AKAP12: variants seen among roughly 807,000 people sequenced by gnomAD.
AKAP12 encodes A-kinase anchoring protein 12.
AKAP12 carries 32 observed loss-of-function variants against 79.9 expected under a neutral mutation model. That is an observed-to-expected ratio of 0.40 (90% confidence interval 0.30 to 0.54). AKAP12 has a LOEUF of 0.54. AKAP12 is among the 20% of genes least tolerant of loss of function. The probability of loss-of-function intolerance (pLI) is 0.48; values close to 1 mark genes in which losing one functional copy is unlikely to be tolerated. For missense variants in AKAP12, 2,074 were observed against 2,177.0 expected (o/e 0.95, Z 0.94); for synonymous variants, 808 against 857.0 (o/e 0.94, Z 1.00).
chr6:151,253,316 A>G (rs1797223055), intron 2 of AKAP12, among the ~76,000 whole-genome samples: 1 of 152,222 alleles, frequency 6.6e-6, no homozygotes, highest in Non-Finnish European at 1.5e-5. Context: ...CTCAAAGAAT[A>G]TGTCTTTAGA....
In AKAP12 at chr6:151,250,983, T is replaced by G. The variant is rs543369918; in HGVS notation, c.162+10259T>G. Among the ~76,000 whole-genome samples, 140 of 152,306 alleles carry G rather than the reference T, an allele frequency of 9.2e-4. 1 individual carries two copies. Among genetic ancestry groups the G allele is most frequent in the Non-Finnish European group, 6.9e-4 (47 of 68,028 alleles). On this transcript the variant is annotated intron_variant, in intron 2 of 4. Coordinates refer to ENST00000402676, the MANE Select transcript of AKAP12 (RefSeq NM_005100.4). Reference sequence around the variant, plus strand: ...AGATAAAGAAATAAAAACATTACCCTTGAACACCTCATAATTGAGATGAGG... The same window carrying G: ...AGATAAAGAAATAAAAACATTACCCGTGAACACCTCATAATTGAGATGAGG...
rs1778481806 is a variant in AKAP12 at position 151,357,891 on chromosome 6, T to G, written c.*2177T>G. 6.6e-6 allele frequency: 1 copy of G among 152,076 alleles called. No homozygotes were observed. The highest frequency in any genetic ancestry group is 6.6e-5 in the Admixed American group (1 of 15,258). The allele number at this position is 152,076 out of a possible 1,614,324, so 9.4% of individuals were successfully genotyped here. ...GAACAGATTAAAGATTTGTGTAGTT[T>G]GTGGGAAATTGACGTTTTTGTTTAA... On this transcript the variant is annotated 3_prime_UTR_variant, in exon 5 of 5. Coordinates refer to ENST00000402676, the MANE Select transcript of AKAP12 (RefSeq NM_005100.4).
At chr6:151,314,278 T>C (rs999226317) in intron 3 of AKAP12, among the ~76,000 whole-genome samples, 5 of 152,148 alleles carry the variant, frequency 3.3e-5, no homozygotes, top group Admixed American at 1.3e-4. Context: ...TCCACCCACT[T>C]CAGCCTCCCA....
In AKAP12 at chr6:151,240,546, A is replaced by G; in HGVS notation, c.-17A>G. Reference sequence around the variant, plus strand: ...GCGTAACCCGGCGGCTAGGCGCGGGAGAAGTGCGGAGGAGCCATGGGCGCC... The same window carrying G: ...GCGTAACCCGGCGGCTAGGCGCGGGGGAAGTGCGGAGGAGCCATGGGCGCC... On this transcript the variant is annotated 5_prime_UTR_variant, in exon 2 of 5. Coordinates refer to ENST00000402676, the MANE Select transcript of AKAP12 (RefSeq NM_005100.4). The G allele has an allele frequency of 7.0e-7, 1 of 1,429,250 alleles. No homozygotes were observed. The highest frequency in any genetic ancestry group is 9.1e-7 in the Non-Finnish European group (1 of 1,097,670). 88.5% of individuals were successfully genotyped at this position (1,429,250 alleles called of 1,614,324 possible). A position where few individuals can be genotyped will look rare whatever the true frequency, so the allele number is the denominator to read the frequency against.
At chr6:151,305,345 A>G (rs1205646106) in intron 2 of AKAP12, among the ~76,000 whole-genome samples, 1 of 152,158 alleles carries the variant, frequency 6.6e-6, no homozygotes, top group African/African-American at 2.4e-5. Flanking sequence ...GCATCTAATC[A>G]CAAGGAAACA....
intron 4 of AKAP12, among the ~76,000 whole-genome samples, chr6:151,354,143 T>G (rs1163492688): frequency 6.7e-6 from 1 of 150,082 alleles, no homozygotes; most frequent in African/African-American, 2.5e-5. Flanking sequence ...GCCTCACGAC[T>G]CCGTCTCAAA....
intron 2 of AKAP12, among the ~76,000 whole-genome samples, chr6:151,288,132 G>A (rs1776542791): frequency 6.6e-6 from 1 of 151,796 alleles, no homozygotes; most frequent in Non-Finnish European, 1.5e-5. Flanking sequence ...GTTGATGGGT[G>A]CAGCAAATCA....
intron 2 of AKAP12, among the ~76,000 whole-genome samples, chr6:151,245,768 T>G (rs1326232520): frequency 1.3e-5 from 2 of 152,118 alleles, no homozygotes; most frequent in African/African-American, 4.8e-5. Flanking sequence ...AAAAAATTAA[T>G]GATTGAGAAC....
chr6:151,314,425 A>G (rs1193484289), intron 3 of AKAP12, among the ~76,000 whole-genome samples: 6 of 152,230 alleles, frequency 3.9e-5, no homozygotes, highest in Non-Finnish European at 7.3e-5. Context: ...ATCTTGAAAC[A>G]TAATCCTCTT....
chr6:151,271,706 C>T (rs1383003340), intron 2 of AKAP12, among the ~76,000 whole-genome samples: 1 of 152,138 alleles, frequency 6.6e-6, no homozygotes, highest in Non-Finnish European at 1.5e-5. Flanking sequence ...GTCGCCCAGG[C>T]TGGAGTGCAG....
intron 2 of AKAP12, among the ~76,000 whole-genome samples, chr6:151,247,843 A>G (rs1797106329): frequency 6.6e-6 from 1 of 152,226 alleles, no homozygotes; most frequent in Non-Finnish European, 1.5e-5. Flanking sequence ...TTCAAAGCAC[A>G]GGAAACCATC....
chr6:151,285,394 G>T (rs1562721364), intron 2 of AKAP12, among the ~76,000 whole-genome samples: 1 of 148,942 alleles, frequency 6.7e-6, no homozygotes, highest in African/African-American at 2.5e-5. Flanking sequence ...CTGTGTGTGT[G>T]TGTGTGTGTG....
chr6:151,342,506 A>C (rs1777978428), intron 3 of AKAP12, among the ~76,000 whole-genome samples: 1 of 152,118 alleles, frequency 6.6e-6, no homozygotes, highest in Non-Finnish European at 1.5e-5. Flanking sequence ...CCTTGTATGG[A>C]GTGAGTAGAT....
At chr6:151,287,234 C>T (rs926147953) in intron 2 of AKAP12, among the ~76,000 whole-genome samples, 12 of 151,906 alleles carry the variant, frequency 7.9e-5, no homozygotes, top group East Asian at 5.8e-4. Context: ...CCACCACGCC[C>T]GGTCTATTTT....
chr6:151,243,013 C>T (rs1485136377), intron 2 of AKAP12, among the ~76,000 whole-genome samples: 1 of 152,208 alleles, frequency 6.6e-6, no homozygotes, highest in Admixed American at 6.5e-5. Context: ...GTGACTAAGG[C>T]AAGTCAGTCT....
At position 151,313,262 on chromosome 6, in the gene AKAP12, G is replaced by A. The variant is rs191036630; in HGVS notation, c.319+7359G>A. ...TGATTAAATGTGGATTCCTAGTAAC[G>A]CTATCAAACACAAGTGCCCAATAGA... On this transcript the variant is annotated intron_variant, in intron 3 of 4. Transcript: ENST00000402676. Among the ~76,000 whole-genome samples the A allele has an allele frequency of 1.4e-3, 216 of 152,248 alleles. 2 individuals carry two copies. The highest frequency in any genetic ancestry group is 1.8e-3 in the Non-Finnish European group (125 of 68,018).
chr6:151,321,605 G>C (rs1777389454), intron 3 of AKAP12, among the ~76,000 whole-genome samples: 1 of 152,050 alleles, frequency 6.6e-6, no homozygotes, highest in African/African-American at 2.4e-5. Flanking sequence ...TATTTAGGTT[G>C]CTTCCACTTT....
At chr6:151,315,330 A>G (rs755886146) in intron 3 of AKAP12, among the ~76,000 whole-genome samples, 3 of 152,210 alleles carry the variant, frequency 2.0e-5, no homozygotes, top group Non-Finnish European at 2.9e-5. Context: ...GGATGGTGCC[A>G]CCTATGTGTT....
chr6:151,348,977 G>C lies in AKAP12; in HGVS notation c.586G>C (p.Val196Leu). 1 of 1,614,104 alleles carries C rather than the reference G, an allele frequency of 6.2e-7. No homozygotes were observed. The highest frequency in any genetic ancestry group is 8.5e-7 in the Non-Finnish European group (1 of 1,180,032). Residue 196 changes from valine (V) to leucine (L), a missense_variant, in exon 4 of 5, where the codon GTC (valine) becomes CTC (leucine). Around this residue, in one of 3 missense-constraint regions of AKAP12, gnomAD observed 1,428 missense variants for 1,451.0 expected, o/e 0.98. Coordinates refer to ENST00000402676, the MANE Select transcript of AKAP12 (RefSeq NM_005100.4). ...KKDKTEKPDTVQLLTVKKDEG... is the reference protein window; with the variant it reads ...KKDKTEKPDTLQLLTVKKDEG... ...GGATAAGACAGAGAAGCCTGACACT[G>C]TCCAGCTACTCACTGTGAAGAAAGA...
Sources: gnomAD v4.1 joint callset for allele counts (sites outside exome capture counted in the v4.1 genomes callset) on GRCh38, gnomAD v4.1.1 for gene constraint, gnomAD v4.1.1 regional missense constraint, MANE v1.5 for transcripts, NCBI Gene and HGNC (gene_info 2026-07-23, HGNC 2026-07-21) for gene names.